The following NIPAL2 variants were observed in gnomAD, a reference collection of about 807,000 sequenced individuals.
The protein encoded by NIPAL2 is NIPA like domain containing 2.
In NIPAL2, 43 loss-of-function variants were observed where a neutral mutation model predicts 48.9. The ratio of observed to expected loss-of-function variants is 0.88; its 90% CI spans 0.69 to 1.13. The LOEUF (loss-of-function observed/expected upper bound fraction) is 1.13, where lower values mean the gene tolerates loss of function less well. Ranked by LOEUF, NIPAL2 falls within the 50% of genes most tolerant of loss-of-function variation. The probability of loss-of-function intolerance (pLI) is 0.00; values close to 1 mark genes in which losing one functional copy is unlikely to be tolerated. For synonymous variants in NIPAL2, 167 were observed against 174.6 expected (o/e 0.96, Z 0.34); for missense variants, 446 against 461.4 (o/e 0.97, Z 0.31).
intron 4 of NIPAL2, among the ~76,000 whole-genome samples, chr8:98,229,388 A>G (rs1163838441): frequency 6.6e-6 from 1 of 152,186 alleles, no homozygotes; most frequent in African/African-American, 2.4e-5. Context: ...TTTGTTTTAA[A>G]TAGAGACACA....
At chr8:98,196,166 C>G (rs1317227715) in intron 8 of NIPAL2, among the ~76,000 whole-genome samples, 161 bp from the exon 9 acceptor site, 1 of 152,082 alleles carries the variant, frequency 6.6e-6, no homozygotes, top group Non-Finnish European at 1.5e-5. Flanking sequence ...AATTTGCATG[C>G]CACACATTCT....
chr8:98,206,373 C>G (rs1311380734), intron 6 of NIPAL2, among the ~76,000 whole-genome samples: 2 of 151,772 alleles, frequency 1.3e-5, no homozygotes, highest in African/African-American at 2.4e-5. Flanking sequence ...ATATTTAAAA[C>G]AGCAAGTGGT....
At chr8:98,285,621 G>GC (rs569830280) in intron 1 of NIPAL2, among the ~76,000 whole-genome samples, 1 of 152,162 alleles carries the variant, frequency 6.6e-6, no homozygotes, top group Non-Finnish European at 1.5e-5. Flanking sequence ...TATTTTTAAA[G>GC]CCCCCCTGGA....
chr8:98,266,553 C>CA (rs1168587196), intron 1 of NIPAL2, among the ~76,000 whole-genome samples: 4,216 of 68,788 alleles, frequency 0.061, 134 homozygotes, highest in African/African-American at 0.12. Flanking sequence ...ACTCTGTCTC[C>CA]AAAAAAAAAA....
intron 1 of NIPAL2, among the ~76,000 whole-genome samples, chr8:98,259,311 G>A (rs971862229): frequency 2.6e-5 from 4 of 151,784 alleles, no homozygotes; most frequent in African/African-American, 7.3e-5. Context: ...TCCTGACCTC[G>A]TGATCCGCCC....
intron 3 of NIPAL2, among the ~76,000 whole-genome samples, chr8:98,243,735 A>G (rs1190018681): frequency 6.6e-6 from 1 of 152,228 alleles, no homozygotes; most frequent in Non-Finnish European, 1.5e-5. Flanking sequence ...GAAGTTAAAT[A>G]CCAAACTTCT....
chr8:98,226,713 T>C (rs966325754), intron 4 of NIPAL2, among the ~76,000 whole-genome samples: 1 of 152,182 alleles, frequency 6.6e-6, no homozygotes, highest in African/African-American at 2.4e-5. Flanking sequence ...GGGTCAGACC[T>C]GAAGCCAGCA....
Position 98,248,116 on chromosome 8 carries a change from C to T in NIPAL2, c.376+4347G>A, listed in dbSNP as rs555444707. Among the ~76,000 whole-genome samples the T allele has an allele frequency of 2.6e-5, 4 of 152,292 alleles. No individual in the cohort carries two copies. The South Asian group carries it at 8.3e-4, about 32-fold the overall frequency. ...GTTGGTAGGTTATTTGGAAATTCTTCTATTTTCCACCGTGTTTTGGTAGGG... is the reference window on the plus strand; with the variant it reads ...GTTGGTAGGTTATTTGGAAATTCTTTTATTTTCCACCGTGTTTTGGTAGGG... On this transcript the variant is annotated intron_variant, in intron 3 of 10. Transcript: ENST00000430223.
chr8:98,246,061 C>T (rs895862460), intron 3 of NIPAL2, among the ~76,000 whole-genome samples: 3 of 152,178 alleles, frequency 2.0e-5, no homozygotes, highest in Admixed American at 6.5e-5. Flanking sequence ...AAAGAGAATT[C>T]GCAGCATCTA....
chr8:98,268,872 G>C (rs1352859991), intron 1 of NIPAL2, among the ~76,000 whole-genome samples: 2 of 152,072 alleles, frequency 1.3e-5, no homozygotes, highest in African/African-American at 4.8e-5. Context: ...AAAAATGTTA[G>C]ACATACTTTA....
At chr8:98,207,852 C>T (rs879658504) in intron 6 of NIPAL2, among the ~76,000 whole-genome samples, 13 of 152,254 alleles carry the variant, frequency 8.5e-5, no homozygotes, top group South Asian at 2.1e-4. Context: ...TTTTCTATTT[C>T]ATTAAGTATT....
chr8:98,251,999 C>G (rs1813611374), intron 3 of NIPAL2, among the ~76,000 whole-genome samples: 1 of 152,078 alleles, frequency 6.6e-6, no homozygotes, highest in Admixed American at 6.6e-5. Flanking sequence ...TGTGACATTA[C>G]TGTAAAATTA....
intron 4 of NIPAL2, among the ~76,000 whole-genome samples, chr8:98,232,212 A>G (rs1269139758): frequency 6.6e-6 from 1 of 152,230 alleles, no homozygotes; most frequent in Admixed American, 6.5e-5. Context: ...GCAAGGGTAT[A>G]GAATAGGTGA....
chr8:98,203,195 A>G lies in NIPAL2; in HGVS notation c.793T>C (p.Phe265Leu), dbSNP rs909484147. 6.2e-7 allele frequency: 1 copy of G among 1,613,322 alleles called. No individual in the cohort carries two copies. The highest frequency in any genetic ancestry group is 8.5e-7 in the Non-Finnish European group (1 of 1,179,352). ...TAGAGTTTCGTGGCTTGATTCAGGA[A>G]CCTAGGGCAGAAGGCACTTACTGGA... is the stretch of plus-strand genomic sequence containing the variant. ...MIASCVFQVK[F>L]LNQATKLYNT... The change falls in exon 8 of 11, where the codon TTC (phenylalanine) becomes CTC (leucine). Residue 265 changes from phenylalanine to leucine, a missense_variant and splice_region_variant. Transcript: ENST00000430223.
intron 5 of NIPAL2, among the ~76,000 whole-genome samples, chr8:98,219,989 A>G (rs537722456): frequency 2.4e-4 from 36 of 152,242 alleles, no homozygotes; most frequent in African/African-American, 8.7e-4. Flanking sequence ...CTTGGTATAA[A>G]TGGCAGGAGG....
At chr8:98,197,792 A>G (rs1388204850) in intron 8 of NIPAL2, among the ~76,000 whole-genome samples, 1 of 152,272 alleles carries the variant, frequency 6.6e-6, no homozygotes, top group Non-Finnish European at 1.5e-5. Context: ...GTTCAGTCAC[A>G]TCTTCAGGCT....
chr8:98,237,427 G>T (rs950739872), intron 3 of NIPAL2, among the ~76,000 whole-genome samples: 8 of 152,074 alleles, frequency 5.3e-5, no homozygotes, highest in African/African-American at 1.4e-4. Flanking sequence ...GCTCAGGGCA[G>T]CTTCTCTGGC....
chr8:98,276,576 A>C (rs1815478971), intron 1 of NIPAL2, among the ~76,000 whole-genome samples: 1 of 152,124 alleles, frequency 6.6e-6, no homozygotes, highest in African/African-American at 2.4e-5. Flanking sequence ...CTGTGGGTAA[A>C]TACCAAGGTT....
intron 2 of NIPAL2, among the ~76,000 whole-genome samples, chr8:98,253,479 C>T (rs1391278992): frequency 6.6e-6 from 1 of 152,120 alleles, no homozygotes; most frequent in Non-Finnish European, 1.5e-5. Flanking sequence ...ATATTTCATT[C>T]AGTTTGCAGT....
Sources: gnomAD v4.1 joint callset for allele counts (sites outside exome capture counted in the v4.1 genomes callset) on GRCh38, gnomAD v4.1.1 for gene constraint, MANE v1.5 for transcripts, NCBI Gene and HGNC (gene_info 2026-07-23, HGNC 2026-07-21) for gene names.